NRP1: variants seen among roughly 807,000 people sequenced by gnomAD.
NRP1 encodes neuropilin-1.
In NRP1, 35 loss-of-function variants were observed where a neutral mutation model predicts 106.7. The ratio of observed to expected loss-of-function variants is 0.33; its 90% CI spans 0.25 to 0.43. NRP1 has a LOEUF of 0.43. NRP1 is among the 20% of genes least tolerant of loss of function. The pLI is 1.00. For missense variants in NRP1, 1,024 were observed against 1,170.4 expected, an observed-to-expected ratio of 0.87 and a Z score of 1.83; for synonymous variants, 437 against 417.9, an observed-to-expected ratio of 1.05 and a Z score of -0.56.
At chr10:33,239,740 A>C (rs536676909) in intron 6 of NRP1, among the ~76,000 whole-genome samples, 1 of 152,328 alleles carries the variant, frequency 6.6e-6, no homozygotes, top group East Asian at 1.9e-4. Context: ...TCAGAGATTA[A>C]ATACATTTTT....
At chr10:33,260,253 T>C (rs1000129222) in intron 4 of NRP1, among the ~76,000 whole-genome samples, 2 of 152,210 alleles carry the variant, frequency 1.3e-5, no homozygotes, top group Non-Finnish European at 2.9e-5. Flanking sequence ...TCTATATTTT[T>C]CTGAAATTAA....
intron 11 of NRP1, 22 bp downstream of exon 11, chr10:33,202,869 G>T (rs779829660): frequency 6.2e-7 from 1 of 1,614,192 alleles, no homozygotes. Flanking sequence ...GTACAGCAAT[G>T]GGATGAAGAT....
chr10:33,288,031 TAAAGAA>T (rs1844706936), intron 2 of NRP1, among the ~76,000 whole-genome samples: 3 of 152,128 alleles, frequency 2.0e-5, no homozygotes, highest in African/African-American at 7.2e-5. Flanking sequence ...CCAAACTTGG[TAAAGAA>T]TGGTATCTAA....
intron 2 of NRP1, among the ~76,000 whole-genome samples, chr10:33,276,111 A>G (rs1843674209): frequency 6.6e-6 from 1 of 152,222 alleles, no homozygotes. Flanking sequence ...GGGTAGTGAC[A>G]TTATGTTCCT....
At chr10:33,327,670 T>G (rs534107648) in intron 2 of NRP1, among the ~76,000 whole-genome samples, 1 of 146,522 alleles carries the variant, frequency 6.8e-6, no homozygotes, top group African/African-American at 2.4e-5. Context: ...GTTTTTTTTT[T>G]CCCCCTAGGG....
rs904045440 is a variant in NRP1, at chr10:33,184,204, T to C, written c.2431+1424A>G. On this transcript the variant is annotated intron_variant, in intron 15 of 16. Coordinates refer to ENST00000374867, the MANE Select transcript of NRP1 (RefSeq NM_003873.7). Reference sequence around the variant, plus strand: ...TAATTTTTGTATTTTTTAGTAGAGATGGGGTTTTGCCATGTTGGCCAGGCT... The same window carrying C: ...TAATTTTTGTATTTTTTAGTAGAGACGGGGTTTTGCCATGTTGGCCAGGCT... 6.6e-5 allele frequency among the ~76,000 whole-genome samples: 10 copies of C among 152,152 alleles called. No individual in the cohort carries two copies. The East Asian group carries it at 1.2e-3, about 18-fold the overall frequency.
chr10:33,316,740 T>C (rs1013103654), intron 2 of NRP1, among the ~76,000 whole-genome samples: 1 of 152,180 alleles, frequency 6.6e-6, no homozygotes, highest in Non-Finnish European at 1.5e-5. Flanking sequence ...TTGCCAATTA[T>C]GTATAAGATT....
At chr10:33,240,219 C>A (rs1840910362) in intron 6 of NRP1, among the ~76,000 whole-genome samples, 1 of 152,154 alleles carries the variant, frequency 6.6e-6, no homozygotes, top group African/African-American at 2.4e-5. Context: ...ACACACCTCT[C>A]CAGGTTTTCA....
chr10:33,270,319 G>C (rs1843212735), intron 3 of NRP1, among the ~76,000 whole-genome samples: 3 of 146,114 alleles, frequency 2.1e-5, no homozygotes, highest in Non-Finnish European at 4.5e-5. Context: ...ATCAAACAAT[G>C]TTAAATAAAT....
rs757553267 is a variant in NRP1, at chr10:33,270,653, CT to C, written c.430+21del. ...AAATGAACTCTTAGTCATTCTTGTT[CT>C]ACCGTAAGCTGTTCACTCACCTCTC... On this transcript the variant is annotated intron_variant, in intron 3 of 16. Transcript: ENST00000374867. The C allele has an allele frequency of 1.9e-6, 3 of 1,569,470 alleles. No individual in the cohort carries two copies. In the South Asian group the frequency reaches 3.6e-5, roughly 19 times the overall value.
At chr10:33,222,190 C>T (rs1839299002) in intron 7 of NRP1, among the ~76,000 whole-genome samples, 2 of 152,180 alleles carry the variant, frequency 1.3e-5, no homozygotes, top group Admixed American at 1.3e-4. Context: ...CAAAATAATA[C>T]TGTAGACGTG....
At chr10:33,303,122 T>C (rs1845920347) in intron 2 of NRP1, among the ~76,000 whole-genome samples, 1 of 152,234 alleles carries the variant, frequency 6.6e-6, no homozygotes, top group African/African-American at 2.4e-5. Flanking sequence ...TAATCACACC[T>C]GTCTCTGAAC....
At chr10:33,214,378 A>G (rs1838582511) in intron 8 of NRP1, among the ~76,000 whole-genome samples, 1 of 152,104 alleles carries the variant, frequency 6.6e-6, no homozygotes, top group Admixed American at 6.6e-5. Flanking sequence ...GCATCTTTTC[A>G]CTGAACCCTG....
At chr10:33,306,780 T>A (rs1307307561) in intron 2 of NRP1, among the ~76,000 whole-genome samples, 2 of 152,244 alleles carry the variant, frequency 1.3e-5, no homozygotes, top group Non-Finnish European at 2.9e-5. Context: ...GATGACTCTT[T>A]CCTTGCAGCT....
At chr10:33,312,692 G>A (rs1846692433) in intron 2 of NRP1, among the ~76,000 whole-genome samples, 1 of 152,170 alleles carries the variant, frequency 6.6e-6, no homozygotes, top group Admixed American at 6.5e-5. Flanking sequence ...CTTAATTTGA[G>A]ACTGTTTTCC....
intron 2 of NRP1, among the ~76,000 whole-genome samples, chr10:33,325,097 G>C (rs1847795093): frequency 6.6e-6 from 1 of 152,132 alleles, no homozygotes; most frequent in Admixed American, 6.5e-5. Flanking sequence ...CCTCTAGATT[G>C]GTTTTGTGGA....
chr10:33,202,655 C>T (rs752369384), intron 11 of NRP1: 3 of 1,542,252 alleles, frequency 1.9e-6, no homozygotes. Flanking sequence ...ATAATCCTAG[C>T]CTTTGGCTCT....
At chr10:33,318,471 G>A (rs1013421277) in intron 2 of NRP1, among the ~76,000 whole-genome samples, 1 of 152,062 alleles carries the variant, frequency 6.6e-6, no homozygotes, top group African/African-American at 2.4e-5. Flanking sequence ...AGACACATCA[G>A]TTTGCTAGAA....
At chr10:33,239,692 TA>T (rs1840864181) in intron 6 of NRP1, among the ~76,000 whole-genome samples, 1 of 152,212 alleles carries the variant, frequency 6.6e-6, no homozygotes, top group South Asian at 2.1e-4. Context: ...CTCCCTAACT[TA>T]ATAGTGGTTC....
Sources: allele counts gnomAD v4.1 joint callset (sites outside exome capture counted in the v4.1 genomes callset), GRCh38; gene constraint gnomAD v4.1.1; transcripts MANE v1.5; gene names NCBI Gene and HGNC (gene_info 2026-07-23, HGNC 2026-07-21).